The following TUSC3 variants were observed in gnomAD, a reference collection of about 807,000 sequenced individuals.
TUSC3 encodes the protein dolichyl-diphosphooligosaccharide--protein glycosyltransferase subunit TUSC3.
Under a neutral mutation model 44.8 loss-of-function variants are expected in TUSC3, and 45 were observed. That is an observed-to-expected ratio of 1.00 (90% CI 0.79 to 1.29). The LOEUF is 1.29. Ranked by LOEUF, TUSC3 falls within the 50% of genes most tolerant of loss-of-function variation. The probability of loss-of-function intolerance (pLI) is 0.00; values close to 1 mark genes in which losing one functional copy is unlikely to be tolerated. For synonymous variants in TUSC3, 212 were observed against 152.9 expected (o/e 1.39, Z -2.85); for missense variants, 519 against 437.9 (o/e 1.19, Z -1.65).
At chr8:15,806,450 T>C in the TUSC3 span, 14 of 810,648 alleles carry the variant, frequency 1.7e-5, no homozygotes, top group East Asian at 4.9e-5. Context: ...CACACACATG[T>C]TGTCTTGACT....
chr8:15,769,354 A>G (rs895902859), downstream of TUSC3, among the ~76,000 whole-genome samples: 3 of 152,082 alleles, frequency 2.0e-5, no homozygotes, highest in Non-Finnish European at 4.4e-5. Flanking sequence ...ATAAATGGTG[A>G]TGGGAAAACT....
At chr8:15,483,026 TA>T (rs1800683302) in intron 1 of TUSC3, among the ~76,000 whole-genome samples, 1 of 152,216 alleles carries the variant, frequency 6.6e-6, no homozygotes, top group Admixed American at 6.5e-5. Context: ...AGTCACAGAC[TA>T]AAAGCCAACT....
At chr8:15,601,646 A>G (rs986446393) in intron 1 of TUSC3, among the ~76,000 whole-genome samples, 3 of 151,656 alleles carry the variant, frequency 2.0e-5, no homozygotes, top group African/African-American at 2.4e-5. Context: ...TATAAAATCT[A>G]TTCTGTAGCA....
At chr8:15,451,852 T>G (rs1354935422) in intron 1 of TUSC3, among the ~76,000 whole-genome samples, 1 of 152,104 alleles carries the variant, frequency 6.6e-6, no homozygotes. Context: ...AAAATTGCTT[T>G]GTGTGGGGGA....
At chr8:15,650,551 A>T (rs986763534) in intron 2 of TUSC3, 146 bp from the exon 3 acceptor site, 43 of 563,304 alleles carry the variant, frequency 7.6e-5, no homozygotes, top group Admixed American at 3.2e-4. Flanking sequence ...TCCTTTTTTT[A>T]AAAAAAAATA....
At chr8:15,630,132 C>T (rs908912433) in intron 2 of TUSC3, among the ~76,000 whole-genome samples, 3 of 151,918 alleles carry the variant, frequency 2.0e-5, no homozygotes, top group African/African-American at 2.4e-5. Context: ...AATCTAAGTA[C>T]GAAATATCCT....
chr8:15,624,525 C>G (rs970791521), intron 2 of TUSC3, among the ~76,000 whole-genome samples: 5 of 152,164 alleles, frequency 3.3e-5, no homozygotes, highest in Admixed American at 3.3e-4. Context: ...AGTAATACCT[C>G]ATTGTGATTT....
chr8:15,504,553 T>G (rs566741177), intron 2 of TUSC3, among the ~76,000 whole-genome samples: 1 of 139,752 alleles, frequency 7.2e-6, no homozygotes, highest in East Asian at 2.2e-4. Flanking sequence ...TGTTCTATTT[T>G]AATCCTATTA....
At chr8:15,835,151 G>A in the TUSC3 span, among the ~76,000 whole-genome samples, 4 of 152,052 alleles carry the variant, frequency 2.6e-5, no homozygotes, top group East Asian at 7.7e-4. Context: ...CATCTTTTTA[G>A]ACTTATCCTT....
intron 1 of TUSC3, among the ~76,000 whole-genome samples, chr8:15,620,526 T>C (rs543299955): frequency 6.6e-6 from 1 of 152,302 alleles, no homozygotes; most frequent in South Asian, 2.1e-4. Context: ...ATGACGTATA[T>C]ATATTTGCCT....
the TUSC3 span, among the ~76,000 whole-genome samples, chr8:15,831,137 C>G: frequency 6.6e-6 from 1 of 152,150 alleles, no homozygotes; most frequent in African/African-American, 2.4e-5. Flanking sequence ...AGATGGAGCG[C>G]AAAACAAGTC....
chr8:15,693,718 G>A (rs772593870), intron 6 of TUSC3, among the ~76,000 whole-genome samples: 8 of 151,902 alleles, frequency 5.3e-5, no homozygotes, highest in Admixed American at 1.3e-4. Context: ...AAATTTTCAC[G>A]GATGATATTC....
chr8:15,629,553 GT>G (rs71211066), intron 2 of TUSC3, among the ~76,000 whole-genome samples: 39,342 of 128,706 alleles, frequency 0.31, 5,436 homozygotes, highest in Non-Finnish European at 0.35. Flanking sequence ...CGGCCATCTT[GT>G]TTTTTTTTTT....
chr8:15,529,614 A>T (rs1322302477), intron 2 of TUSC3, among the ~76,000 whole-genome samples: 1 of 151,992 alleles, frequency 6.6e-6, no homozygotes, highest in Admixed American at 6.6e-5. Context: ...CATTACTTAG[A>T]TGTACTATCT....
intron 1 of TUSC3, among the ~76,000 whole-genome samples, chr8:15,556,777 T>G (rs1355647053): frequency 7.5e-6 from 1 of 133,016 alleles, no homozygotes; most frequent in African/African-American, 2.7e-5. Context: ...TTTTTTCATG[T>G]GTTTTTTGGC....
chr8:15,730,864 T>G, intron 7 of TUSC3, 135 bp downstream of exon 7: 1 of 734,566 alleles, frequency 1.4e-6, no homozygotes, highest in Non-Finnish European at 2.3e-6. Context: ...ATGACTAATT[T>G]TTATTTTTTA....
At chr8:15,510,561 A>G (rs911254672) in intron 2 of TUSC3, among the ~76,000 whole-genome samples, 2 of 152,140 alleles carry the variant, frequency 1.3e-5, no homozygotes, top group Admixed American at 6.5e-5. Flanking sequence ...CCCCAACACT[A>G]TATATATTTT....
the TUSC3 span, among the ~76,000 whole-genome samples, chr8:15,820,227 C>T: frequency 6.6e-6 from 1 of 150,444 alleles, no homozygotes; most frequent in Non-Finnish European, 1.5e-5. Context: ...TATTATGCTT[C>T]TTATATATTG....
chr8:15,723,179 A>T (rs554580332), intron 6 of TUSC3, among the ~76,000 whole-genome samples: 1 of 152,234 alleles, frequency 6.6e-6, no homozygotes, highest in South Asian at 2.1e-4. Flanking sequence ...TTCTAAGATG[A>T]CTTTTTGGAG....
Sources: allele counts gnomAD v4.1 joint callset (sites outside exome capture counted in the v4.1 genomes callset), GRCh38; gene constraint gnomAD v4.1.1; transcripts MANE v1.5; gene names NCBI Gene and HGNC (gene_info 2026-07-23, HGNC 2026-07-21).